MED16: variants seen among roughly 807,000 people sequenced by gnomAD.
The protein encoded by MED16 is mediator of RNA polymerase II transcription subunit 16.
Under a neutral mutation model 84.4 loss-of-function variants are expected in MED16, and 81 were observed. That is an observed-to-expected ratio of 0.96 (90% CI 0.80 to 1.15). The LOEUF is 1.15. MED16 is among the 50% of genes most tolerant of loss of function. MED16 has a pLI of 0.00. For synonymous variants in MED16, 897 were observed against 552.2 expected, an observed-to-expected ratio of 1.62 and a Z score of -8.76; for missense variants, 1,585 against 1,245.9, an observed-to-expected ratio of 1.27 and a Z score of -4.10.
chr19:871,469 T>C (rs1477415297), intron 12 of MED16: 8 of 1,441,302 alleles, frequency 5.6e-6, no homozygotes, highest in Non-Finnish European at 7.4e-6. Context: ...GTCTCTGGCC[T>C]GTCATGAGAC....
At chr19:872,664 G>T (rs981790182) in intron 11 of MED16, among the ~76,000 whole-genome samples, 2 of 151,802 alleles carry the variant, frequency 1.3e-5, no homozygotes, top group Non-Finnish European at 1.5e-5. Flanking sequence ...GGGGGGTGGG[G>T]GCGAGGTTGG....
chr19:873,414 T>TG (rs746905920), intron 11 of MED16, 35 bp downstream of exon 11: 10 of 1,243,882 alleles, frequency 8.0e-6, no homozygotes, highest in Middle Eastern at 3.0e-4. Context: ...GGGGCCCAGG[T>TG]GGGGGGCGGG....
chr19:873,614 G>T, intron 10 of MED16, 32 bp from the exon 11 acceptor site: 1 of 1,610,004 alleles, frequency 6.2e-7, no homozygotes, highest in Non-Finnish European at 8.5e-7. Flanking sequence ...GTCAGCTCGG[G>T]CCTCTTGTAC....
At position 868,400 on chromosome 19, in the gene MED16, C is replaced by G; in HGVS notation, c.2483+16G>C. The G allele has an allele frequency of 6.2e-7, 1 of 1,608,390 alleles. No individual in the cohort carries two copies. The highest frequency in any genetic ancestry group is 8.5e-7 in the Non-Finnish European group (1 of 1,179,732). On this transcript the variant is annotated intron_variant, in intron 15 of 15. Transcript: ENST00000325464. ...AGGGGTAGCTGAGGGGCACCCGCCA[C>G]CAGAGCCCACCGCACAGGCAGTTCT...
At chr19:877,525 A>G (rs2036278948) in intron 8 of MED16, among the ~76,000 whole-genome samples, 1 of 119,820 alleles carries the variant, frequency 8.3e-6, no homozygotes, top group Non-Finnish European at 1.8e-5. Flanking sequence ...GAGCCACCCC[A>G]CTGACCTCGC....
Position 871,146 on chromosome 19 carries a change from C to T in MED16, c.2206G>A (p.Asp736Asn), listed in dbSNP as rs34110403. 43 of 1,548,116 alleles carry T rather than the reference C, an allele frequency of 2.8e-5. 1 individual carries two copies. Among genetic ancestry groups the T allele is most frequent in the African/African-American group, 2.3e-4 (17 of 73,008 alleles). Residue 736 changes from aspartate (D) to asparagine (N), a missense_variant, in exon 13 of 16, where the codon GAC becomes AAC. Physicochemically the swap from Asp to Asn is conservative, Grantham distance 23 (BLOSUM62 1). Transcript: ENST00000325464. ...IPSLDWLPAS[D>N]GLVSRLQPKQ... ...GGCTGCAGGCGGCTAACCAGGCCGT[C>T]GCTGGCTGGCAGCCAGTCCAGGCTG...
chr19:871,604 G>T, intron 12 of MED16: 2 of 1,595,642 alleles, frequency 1.3e-6, no homozygotes, highest in Non-Finnish European at 1.7e-6. Flanking sequence ...GCAAACAGGT[G>T]CCTGGAAGTG....
chr19:884,724 T>C (rs2036490249), intron 6 of MED16, among the ~76,000 whole-genome samples, 179 bp downstream of exon 6: 1 of 152,174 alleles, frequency 6.6e-6, no homozygotes, highest in Non-Finnish European at 1.5e-5. Flanking sequence ...ACACTCAGAA[T>C]GCTGGCAGGC....
In MED16 at chr19:876,927, A is replaced by ACGGGGCCC. The variant is rs1434019052; in HGVS notation, c.1560+46_1560+47insGGGCCCCG. On this transcript the variant is annotated intron_variant, in intron 9 of 15. Transcript: ENST00000325464. The stretch of plus-strand genomic sequence containing the variant: ...ACCTGCCACGGGGCCCCCACCTGCC[A>ACGGGGCCC]CAGGGCCCCCACCTGCCACGGGGCC... 5.9e-6 allele frequency: 9 copies of ACGGGGCCC among 1,527,594 alleles called. No homozygotes were observed. The South Asian group carries it at 8.6e-5, about 15-fold the overall frequency. 94.6% of individuals were successfully genotyped at this position (1,527,594 alleles called of 1,614,324 possible). A position where few individuals can be genotyped will look rare whatever the true frequency, so the allele number is the denominator to read the frequency against.
chr19:870,923 G>A (rs913342792), intron 13 of MED16, 114 bp downstream of exon 13: 32 of 1,085,026 alleles, frequency 2.9e-5, no homozygotes, highest in South Asian at 6.4e-5. Flanking sequence ...GTGTGGATTC[G>A]GGGGGACCTG....
In MED16 at chr19:885,836, G is replaced by C. The variant is rs2036514246; in HGVS notation, c.813C>G (p.Leu271=). The C allele has an allele frequency of 1.9e-6, 3 of 1,613,714 alleles. No individual in the cohort carries two copies. Among genetic ancestry groups the C allele is most frequent in the Non-Finnish European group, 2.5e-6 (3 of 1,179,992 alleles). Residue 271 remains leucine (L), a synonymous_variant, in exon 5 of 16, where the codon CTC becomes CTG. Transcript: ENST00000325464. The part of the protein sequence containing the change: ...PSLFMRCTTD[L]NRKDKFPAIT... ...TGGCGGGAAACTTGTCCTTGCGGTT[G>C]AGGTCGGTGGTGCAGCGCATGAACA...
At chr19:889,428 G>A (rs1383877756) in intron 4 of MED16, among the ~76,000 whole-genome samples, 1 of 152,146 alleles carries the variant, frequency 6.6e-6, no homozygotes, top group Admixed American at 6.5e-5. Context: ...CAGCCAGACT[G>A]CAGGTGGGGG....
At position 880,017 on chromosome 19, in the gene MED16, C is replaced by T. The variant is rs771718305; in HGVS notation, c.1273G>A (p.Ala425Thr). Residue 425 changes from alanine to threonine, a missense_variant, in exon 8 of 16, where the codon GCG (alanine) becomes ACG (threonine). Transcript: ENST00000325464. ...DEPAMKRPRT[A>T]GPAVHLKAMQ... ...GCCTTTAAGTGGACGGCGGGGCCCG[C>T]GGTGCGGGGGCGCTTCATGGCCGGC... is the stretch of plus-strand genomic sequence containing the variant. 1.2e-5 allele frequency: 19 copies of T among 1,610,160 alleles called. No homozygotes were observed. The highest frequency in any genetic ancestry group is 4.5e-5 in the East Asian group (2 of 44,848).
At position 891,109 on chromosome 19, in the gene MED16, G is replaced by A. The variant is rs547125995; in HGVS notation, c.23C>T (p.Ala8Val). ...GGCCAAGTCCATCATCCCACCTGCC[G>A]CTGGCCGCCGCAAATCACACATGAG... MCDLRRP[A>V]AGGMMDLAYV... The change falls in exon 2 of 16, where the codon GCG (alanine) becomes GTG (valine). Residue 8 changes from alanine (A) to valine (V), a missense_variant. Physicochemically the swap from Ala to Val is moderately conservative, Grantham distance 64. Transcript: ENST00000325464. The A allele has an allele frequency of 8.7e-6, 14 of 1,613,406 alleles. No individual in the cohort carries two copies. The East Asian group carries it at 1.1e-4, about 13-fold the overall frequency.
At chr19:880,537 G>C (rs983420284) in intron 7 of MED16, among the ~76,000 whole-genome samples, 1 of 152,172 alleles carries the variant, frequency 6.6e-6, no homozygotes, top group Non-Finnish European at 1.5e-5. Context: ...ACTCACACTG[G>C]GGTCTGCCAT....
intron 7 of MED16, among the ~76,000 whole-genome samples, chr19:880,861 G>A (rs1196245646): frequency 1.3e-5 from 2 of 150,250 alleles, no homozygotes; most frequent in African/African-American, 2.5e-5. Flanking sequence ...GGAGGCGGAG[G>A]TTGCAGTGAG....
intron 9 of MED16, 94 bp downstream of exon 9, chr19:876,880 C>A: frequency 8.8e-7 from 1 of 1,133,806 alleles, no homozygotes. Context: ...TGCCACGGGG[C>A]CCCCACCTGC....
At chr19:884,105 C>T (rs910351982) in intron 6 of MED16, among the ~76,000 whole-genome samples, 4 of 152,292 alleles carry the variant, frequency 2.6e-5, no homozygotes, top group East Asian at 1.9e-4. Context: ...ACCTGCCCCA[C>T]GTGCCCCCAC....
rs557568677 is a variant in MED16, at chr19:888,000, C to T, written c.447+1638G>A. 2.6e-5 allele frequency among the ~76,000 whole-genome samples: 4 copies of T among 151,844 alleles called. No individual in the cohort carries two copies. In the East Asian group the frequency reaches 7.8e-4, roughly 29 times the overall value. On this transcript the variant is annotated intron_variant, in intron 4 of 15. Transcript: ENST00000325464. ...GGCAGATCACCTGAGGTTAGGAGTT[C>T]GAGACCACCCTGACCAACATGGAGA...
Sources: allele counts gnomAD v4.1 joint callset (sites outside exome capture counted in the v4.1 genomes callset), GRCh38; gene constraint gnomAD v4.1.1; transcripts MANE v1.5; gene names NCBI Gene and HGNC (gene_info 2026-07-23, HGNC 2026-07-21).